ABCA10: variants seen among roughly 807,000 people sequenced by gnomAD.
The protein encoded by ABCA10 is ATP-binding cassette sub-family A member 10.
A neutral mutation model predicts 187.5 loss-of-function variants in ABCA10; 169 were observed. That is an observed-to-expected ratio of 0.90 (90% CI 0.80 to 1.02). ABCA10 has a LOEUF of 1.02. Ranked by LOEUF, ABCA10 falls within the 50% of genes least tolerant of loss-of-function variation. The probability of loss-of-function intolerance (pLI) is 0.00; values close to 1 mark genes in which losing one functional copy is unlikely to be tolerated. For synonymous variants in ABCA10, 574 were observed against 601.8 expected, an observed-to-expected ratio of 0.95 and a Z score of 0.68; for missense variants, 1,727 against 1,812.4, an observed-to-expected ratio of 0.95 and a Z score of 0.86.
At chr17:69,220,839 A>C (rs1339685579) in intron 5 of ABCA10, among the ~76,000 whole-genome samples, 2 of 152,122 alleles carry the variant, frequency 1.3e-5, no homozygotes, top group Non-Finnish European at 2.9e-5. Context: ...AGGCACACTC[A>C]TTTGTTTGTG....
At chr17:69,240,443 A>C (rs1207671150) in intron 1 of ABCA10, among the ~76,000 whole-genome samples, 7 of 152,188 alleles carry the variant, frequency 4.6e-5, no homozygotes, top group African/African-American at 1.7e-4. Context: ...AGGGGAATAT[A>C]GGCAGTTCAT....
chr17:69,192,992 A>G, intron 15 of ABCA10, 118 bp downstream of exon 15: 1 of 1,406,108 alleles, frequency 7.1e-7, no homozygotes, highest in Non-Finnish European at 9.5e-7. Flanking sequence ...GAGGCTTGAA[A>G]TGGGCTTCTG....
intron 9 of ABCA10, among the ~76,000 whole-genome samples, chr17:69,206,778 A>T (rs899454821): frequency 1.3e-5 from 2 of 152,202 alleles, no homozygotes; most frequent in African/African-American, 4.8e-5. Flanking sequence ...AAAATGGAGT[A>T]AAGACTTAAA....
At chr17:69,157,815 A>G (rs185012995) in intron 27 of ABCA10, among the ~76,000 whole-genome samples, 6 of 152,276 alleles carry the variant, frequency 3.9e-5, no homozygotes, top group Non-Finnish European at 8.8e-5. Flanking sequence ...CACAGGAAAA[A>G]AAAAATGAAT....
Position 69,149,031 on chromosome 17 carries a change from A to G in ABCA10, c.4533+2T>C. 6.2e-7 allele frequency: 1 copy of G among 1,613,424 alleles called. No individual in the cohort carries two copies. Among genetic ancestry groups the G allele is most frequent in the African/African-American group, 1.3e-5 (1 of 74,890 alleles). ...GTGCTCACTCGTTCAATGAAAACCC[A>G]CCTGCTCCAAGGTAGCCTGAGAGAG... On this transcript the variant is annotated splice_donor_variant, in intron 38 of 38. Transcript: ENST00000690296. LOFTEE classifies it high-confidence loss of function.
chr17:69,222,999 A>G (rs2074762055), intron 3 of ABCA10, among the ~76,000 whole-genome samples: 1 of 148,790 alleles, frequency 6.7e-6, no homozygotes, highest in African/African-American at 2.5e-5. Flanking sequence ...TACTCTATAT[A>G]TGACCATGTG....
At chr17:69,212,305 T>G (rs568022126) in intron 9 of ABCA10, among the ~76,000 whole-genome samples, 1 of 152,146 alleles carries the variant, frequency 6.6e-6, no homozygotes, top group Non-Finnish European at 1.5e-5. Context: ...CCTTTTGGAG[T>G]TGATTTTCAA....
At chr17:69,173,753 G>C (rs188310299) in intron 25 of ABCA10, among the ~76,000 whole-genome samples, 5 of 152,258 alleles carry the variant, frequency 3.3e-5, no homozygotes, top group Admixed American at 3.3e-4. Context: ...ATCAGCTAGT[G>C]ATAGGGAAGG....
intron 11 of ABCA10, 55 bp downstream of exon 11, chr17:69,197,009 A>AAGGAGG (rs2074510001): frequency 4.5e-6 from 5 of 1,109,750 alleles, no homozygotes; most frequent in Non-Finnish European, 6.2e-6. Context: ...CCGTGGACAG[A>AAGGAGG]GGGAGGGGGA....
At chr17:69,209,710 C>T (rs925695275) in intron 9 of ABCA10, among the ~76,000 whole-genome samples, 13 of 82,156 alleles carry the variant, frequency 1.6e-4, no homozygotes, top group Admixed American at 1.3e-3. Context: ...AATGGGGATA[C>T]CTTCTGAGAA....
intron 25 of ABCA10, 142 bp from the exon 26 acceptor site, chr17:69,165,225 T>C: frequency 1.4e-6 from 1 of 715,928 alleles, no homozygotes; most frequent in East Asian, 2.8e-5. Flanking sequence ...TAGGATATCC[T>C]CTTTAGGAAG....
chr17:69,185,353 C>A, intron 20 of ABCA10, 124 bp downstream of exon 20: 2 of 937,294 alleles, frequency 2.1e-6, no homozygotes, highest in South Asian at 3.5e-5. Context: ...CATCAGTTTC[C>A]TTCATTTGAA....
chr17:69,182,437 A>G (rs2074387029), intron 21 of ABCA10, 147 bp from the exon 22 acceptor site: 2 of 975,840 alleles, frequency 2.0e-6, no homozygotes, highest in South Asian at 3.0e-5. Flanking sequence ...AATTGGTACA[A>G]GAATGCATTA....
upstream of ABCA10, among the ~76,000 whole-genome samples, chr17:69,232,121 T>C (rs188817651): frequency 1.1e-4 from 16 of 152,268 alleles, no homozygotes; most frequent in African/African-American, 3.6e-4. Flanking sequence ...TTTCAATCTA[T>C]GTGTCTCTTT....
At chr17:69,198,268 CTTTATT>C (rs1284004533) in intron 10 of ABCA10, among the ~76,000 whole-genome samples, 2 of 152,168 alleles carry the variant, frequency 1.3e-5, no homozygotes, top group African/African-American at 2.4e-5. Context: ...GACCTCTGTG[CTTTATT>C]TTTAATTGTC....
At chr17:69,180,151 A>T (rs2074368278) in intron 22 of ABCA10, among the ~76,000 whole-genome samples, 1 of 152,180 alleles carries the variant, frequency 6.6e-6, no homozygotes, top group Non-Finnish European at 1.5e-5. Context: ...GTATTAAAAT[A>T]AAAAAATTTT....
chr17:69,180,478 G>A, intron 22 of ABCA10, among the ~76,000 whole-genome samples: 1 of 151,870 alleles, frequency 6.6e-6, no homozygotes, highest in East Asian at 1.9e-4. Flanking sequence ...GAAAAGTCCT[G>A]GAGGATGTTA....
intron 5 of ABCA10, 145 bp downstream of exon 5, chr17:69,221,647 C>T: frequency 4.4e-6 from 3 of 675,658 alleles, no homozygotes; most frequent in South Asian, 2.4e-5. Context: ...GGAGATATTC[C>T]CATGTGACAG....
At chr17:69,150,482 T>G (rs1487317813) in intron 36 of ABCA10, 2 of 154,712 alleles carry the variant, frequency 1.3e-5, no homozygotes, top group African/African-American at 4.8e-5. Flanking sequence ...AAAAAAAAAT[T>G]TTTTTCTTGA....
Sources: gnomAD v4.1 joint callset for allele counts (sites outside exome capture counted in the v4.1 genomes callset) on GRCh38, gnomAD v4.1.1 for gene constraint, MANE v1.5 for transcripts, NCBI Gene and HGNC (gene_info 2026-07-23, HGNC 2026-07-21) for gene names.